Variants in TPH2 observed in about 807,000 individuals in gnomAD.
TPH2 encodes the protein tryptophan hydroxylase 2.
A neutral mutation model predicts 59.1 loss-of-function variants in TPH2; 27 were observed. The observed-to-expected ratio is 0.46, with a 90% confidence interval of 0.34 to 0.63. The LOEUF (loss-of-function observed/expected upper bound fraction) is 0.63. Among genes scored for constraint, TPH2 ranks in the 30% least tolerant of loss-of-function variants. TPH2 has a pLI of 0.01. For synonymous variants in TPH2, 220 were observed against 210.5 expected, an observed-to-expected ratio of 1.05 and a Z score of -0.39; for missense variants, 523 against 588.3, an observed-to-expected ratio of 0.89 and a Z score of 1.15.
chr12:72,000,658 T>C (rs1230445243), intron 8 of TPH2, among the ~76,000 whole-genome samples: 1 of 152,206 alleles, frequency 6.6e-6, no homozygotes, highest in Non-Finnish European at 1.5e-5. Context: ...TATTTCCATA[T>C]TTTGCCTGCT....
chr12:71,974,999 A>G (rs888352876), intron 6 of TPH2, among the ~76,000 whole-genome samples: 2 of 152,206 alleles, frequency 1.3e-5, no homozygotes, highest in African/African-American at 4.8e-5. Flanking sequence ...TTTCGGGCCA[A>G]GAGGCAAAAT....
chr12:71,939,521 C>A (rs1028666992), intron 1 of TPH2, among the ~76,000 whole-genome samples: 1 of 151,988 alleles, frequency 6.6e-6, no homozygotes, highest in Non-Finnish European at 1.5e-5. Flanking sequence ...GTCTCCTACA[C>A]CCCCTTCAGT....
chr12:71,955,996 G>A (rs1199906228), intron 5 of TPH2, among the ~76,000 whole-genome samples: 1 of 152,186 alleles, frequency 6.6e-6, no homozygotes, highest in Admixed American at 6.5e-5. Context: ...CTAGATTAGG[G>A]TCTCTCATAA....
At chr12:71,970,285 T>C (rs958665057) in intron 5 of TPH2, among the ~76,000 whole-genome samples, 2 of 152,128 alleles carry the variant, frequency 1.3e-5, no homozygotes, top group African/African-American at 4.8e-5. Context: ...GCAGGACAAG[T>C]TATCCAGGAG....
intron 5 of TPH2, among the ~76,000 whole-genome samples, chr12:71,955,873 T>C (rs1871480477): frequency 6.6e-6 from 1 of 152,232 alleles, no homozygotes; most frequent in Non-Finnish European, 1.5e-5. Flanking sequence ...ACTATATTAG[T>C]TATTGATACA....
chr12:71,973,902 C>T (rs1872044080), intron 6 of TPH2, among the ~76,000 whole-genome samples: 1 of 152,042 alleles, frequency 6.6e-6, no homozygotes, highest in Non-Finnish European at 1.5e-5. Context: ...CATCATTTCA[C>T]ACTCTCTGTG....
rs574464168 is a variant in TPH2, at chr12:72,020,643, C to T, written c.1069-1756C>T. On this transcript the variant is annotated intron_variant, in intron 8 of 10. Transcript: ENST00000333850. ...AGCTAGGATTACAGGTGCACCACCACGCCCAGCTAATTTTTGTATTTTTAG... is the reference window on the plus strand; with the variant it reads ...AGCTAGGATTACAGGTGCACCACCATGCCCAGCTAATTTTTGTATTTTTAG... Among the ~76,000 whole-genome samples the T allele has an allele frequency of 1.7e-4, 26 of 152,192 alleles. No individual in the cohort carries two copies. The East Asian group carries it at 2.3e-3, about 14-fold the overall frequency.
intron 8 of TPH2, among the ~76,000 whole-genome samples, chr12:72,018,240 G>C (rs2139241509): frequency 6.6e-6 from 1 of 152,334 alleles, no homozygotes; most frequent in East Asian, 1.9e-4. Flanking sequence ...AGGACTCCCA[G>C]ATGAGGTCTG....
At chr12:71,964,804 G>T in intron 5 of TPH2, 1 of 931,062 alleles carries the variant, frequency 1.1e-6, no homozygotes, top group Non-Finnish European at 1.3e-6. Context: ...TTTACTTTAG[G>T]TTTAGGGGTA....
chr12:71,944,331 A>G lies in TPH2; in HGVS notation c.293A>G (p.Lys98Arg). The change falls in exon 3 of 11, where the codon AAA (lysine) becomes AGA (arginine). Residue 98 changes from lysine (K) to arginine (R), a missense_variant. Transcript: ENST00000333850. ...RVNMVHIESR[K>R]SRRRSSEVEI... Reference sequence around the variant, plus strand: ...AACATGGTTCATATTGAATCCAGGAAATCTCGGCGAAGAAGTTCTGAGGTT... The same window carrying G: ...AACATGGTTCATATTGAATCCAGGAGATCTCGGCGAAGAAGTTCTGAGGTT... 12 of 1,613,868 alleles carry G rather than the reference A, an allele frequency of 7.4e-6. No homozygotes were observed. The highest frequency in any genetic ancestry group is 1.0e-5 in the Non-Finnish European group (12 of 1,179,818).
chr12:72,016,708 A>G (rs537176461), intron 8 of TPH2, among the ~76,000 whole-genome samples: 2 of 152,194 alleles, frequency 1.3e-5, no homozygotes, highest in African/African-American at 2.4e-5. Context: ...ATGCAAGATC[A>G]AATTTTTAGG....
intron 8 of TPH2, among the ~76,000 whole-genome samples, chr12:71,996,800 A>G (rs1398955237): frequency 3.3e-5 from 5 of 152,228 alleles, no homozygotes; most frequent in Non-Finnish European, 5.9e-5. Flanking sequence ...TTTCTAAAAC[A>G]GTGACATGAA....
At chr12:71,999,712 C>A (rs1872775448) in intron 8 of TPH2, among the ~76,000 whole-genome samples, 1 of 152,198 alleles carries the variant, frequency 6.6e-6, no homozygotes, top group African/African-American at 2.4e-5. Context: ...ATATATTATG[C>A]TAAAGGGCTT....
At chr12:72,006,720 G>C (rs1444146189) in intron 8 of TPH2, among the ~76,000 whole-genome samples, 1 of 152,082 alleles carries the variant, frequency 6.6e-6, no homozygotes, top group Non-Finnish European at 1.5e-5. Flanking sequence ...CTGGAAAAAT[G>C]GTTCAGAGGA....
chr12:71,968,534 GGTCC>G (rs1871880744), intron 5 of TPH2, among the ~76,000 whole-genome samples: 1 of 152,262 alleles, frequency 6.6e-6, no homozygotes, highest in East Asian at 1.9e-4. Flanking sequence ...AGGGACTGTC[GGTCC>G]CCTGCTCTGA....
intron 8 of TPH2, among the ~76,000 whole-genome samples, chr12:72,009,123 T>C (rs958257658): frequency 6.6e-6 from 1 of 152,156 alleles, no homozygotes; most frequent in Non-Finnish European, 1.5e-5. Context: ...CAGTGGCCAA[T>C]TGATCAGAGC....
At chr12:71,968,698 C>T (rs979923720) in intron 5 of TPH2, among the ~76,000 whole-genome samples, 5 of 152,210 alleles carry the variant, frequency 3.3e-5, no homozygotes, top group African/African-American at 1.2e-4. Context: ...TGCCCTTTCC[C>T]TCAAACACTG....
At chr12:71,998,196 T>C (rs150614011) in intron 8 of TPH2, among the ~76,000 whole-genome samples, 15 of 152,332 alleles carry the variant, frequency 9.8e-5, no homozygotes, top group African/African-American at 3.4e-4. Context: ...CTTTTCTTGA[T>C]ATTGCTTGAG....
chr12:72,028,787 G>C (rs546028976), intron 9 of TPH2, among the ~76,000 whole-genome samples: 10 of 152,240 alleles, frequency 6.6e-5, no homozygotes, highest in African/African-American at 2.4e-4. Context: ...GACTCCTGAG[G>C]GTAGGCTGCG....
Sources: gnomAD v4.1 joint callset for allele counts (sites outside exome capture counted in the v4.1 genomes callset) on GRCh38, gnomAD v4.1.1 for gene constraint, MANE v1.5 for transcripts, NCBI Gene and HGNC (gene_info 2026-07-23, HGNC 2026-07-21) for gene names.